Variants in GREP1 observed in about 807,000 individuals in gnomAD.
GREP1 encodes glycine-rich extracellular protein 1.
rs1356221259 is a variant in GREP1 at position 2,989,079 on chromosome 16, A to C, written c.101-444A>C. Reference sequence around the variant, plus strand: ...GATGCATCTGAGCTTCAGGAGAGAAAGATGGGGGGCAGAGGTGGTGAGAAG... The same window carrying C: ...GATGCATCTGAGCTTCAGGAGAGAACGATGGGGGGCAGAGGTGGTGAGAAG... On this transcript the variant is annotated intron_variant, in intron 2 of 34. Coordinates refer to ENST00000573315, the Ensembl canonical transcript of GREP1. This position sits in a 1 kb window ranked among gnomAD's most constrained non-coding sequence, Gnocchi z 4.2. The C allele has an allele frequency of 4.3e-6, 1 of 233,966 alleles. No homozygotes were observed. Among genetic ancestry groups the C allele is most frequent in the African/African-American group, 2.2e-5 (1 of 44,480 alleles). 14.5% of individuals were successfully genotyped at this position (233,966 alleles called of 1,614,324 possible).
exon 13 of GREP1, chr16:2,994,939 G>A: frequency 2.5e-6 from 1 of 399,196 alleles, no homozygotes; most frequent in Non-Finnish European, 4.4e-6. Flanking sequence ...TTCCAGTACA[G>A]AATTGGGCTG....
chr16:2,990,202 G>A (rs1414032556), intron 5 of GREP1, 80 bp downstream of exon 5: 13 of 398,522 alleles, frequency 3.3e-5, no homozygotes, highest in Non-Finnish European at 5.3e-5. Context: ...TTGTTGGGGG[G>A]AGGCGCAGAG....
At chr16:3,001,789 T>C (rs77225180) in exon 35 of GREP1, 4 of 396,440 alleles carry the variant, frequency 1.0e-5, no homozygotes, top group Non-Finnish European at 1.8e-5. Flanking sequence ...ATTCATTCAT[T>C]TGGCAAACAT....
At chr16:2,990,566 G>C in exon 7 of GREP1, 2 of 399,204 alleles carry the variant, frequency 5.0e-6, no homozygotes, top group Non-Finnish European at 8.8e-6. Context: ...CAGGACCTTC[G>C]CAGGTGCTGC....
At position 2,992,589 on chromosome 16, in the gene GREP1, G is replaced by A. The variant is rs563303190; in HGVS notation, c.323-216G>A. The A allele has an allele frequency of 1.7e-3, 648 of 382,790 alleles. 2 individuals are homozygous for A. The highest frequency in any genetic ancestry group is 1.4e-3 in the Non-Finnish European group (313 of 216,364). 23.7% of individuals were successfully genotyped at this position (382,790 alleles called of 1,614,324 possible). A position where few individuals can be genotyped will look rare whatever the true frequency, so the allele number is the denominator to read the frequency against. ...AAGCCAGGCCTCGGCTGGCCATGGAGGACACCCAAGCTGGTCAAGGGTGGC... is the reference window on the plus strand; with the variant it reads ...AAGCCAGGCCTCGGCTGGCCATGGAAGACACCCAAGCTGGTCAAGGGTGGC... On this transcript the variant is annotated intron_variant, in intron 8 of 34. Coordinates refer to ENST00000573315, the Ensembl canonical transcript of GREP1. This position sits in a 1 kb window ranked among gnomAD's most constrained non-coding sequence, Gnocchi z 4.9.
At chr16:2,995,869 G>A (rs1324353278) in exon 18 of GREP1, 4 of 398,316 alleles carry the variant, frequency 1.0e-5, no homozygotes, top group Non-Finnish European at 1.8e-5. Context: ...TATGGGAAAA[G>A]GCTGAGAGCA....
At chr16:3,001,811 T>C (rs1294904953) in exon 35 of GREP1, 4 of 394,862 alleles carry the variant, frequency 1.0e-5, no homozygotes, top group Non-Finnish European at 1.8e-5. Context: ...AATGAGGCCA[T>C]GTGCCAGGGA....
In GREP1 at chr16:2,990,272, C is replaced by G. The variant is rs1288840070; in HGVS notation, c.199+150C>G. The G allele has an allele frequency of 1.6e-4, 63 of 397,928 alleles. 1 individual carries two copies. The Admixed American group carries it at 2.7e-3, about 17-fold the overall frequency. 24.6% of individuals were successfully genotyped at this position (397,928 alleles called of 1,614,324 possible). ...AAGGGGGGGTTCAAGGGTCTTGTACCCCCACCTCAGCTGGGACCCCAAACC... is the reference window on the plus strand; with the variant it reads ...AAGGGGGGGTTCAAGGGTCTTGTACGCCCACCTCAGCTGGGACCCCAAACC... On this transcript the variant is annotated intron_variant, in intron 5 of 34. Coordinates refer to ENST00000573315, the Ensembl canonical transcript of GREP1.
At position 2,989,778 on chromosome 16, in the gene GREP1, G is replaced by A. The variant is rs1330957998; in HGVS notation, c.131-196G>A. Among the ~76,000 whole-genome samples, 7 of 152,016 alleles carry A rather than the reference G, an allele frequency of 4.6e-5. No homozygotes were observed. The highest frequency in any genetic ancestry group is 1.7e-4 in the African/African-American group (7 of 41,378). ...TGGAGCGGGGAGGGAAGAAAGGAAA[G>A]AGAGCAGAAAGGAAGGAGAGAGGGA... On this transcript the variant is annotated intron_variant, in intron 3 of 34. Transcript: ENST00000573315. This position sits in a 1 kb window ranked among gnomAD's most constrained non-coding sequence, Gnocchi z 4.2.
exon 26 of GREP1, chr16:2,998,943 C>A (rs372263567): frequency 9.3e-5 from 37 of 399,036 alleles, no homozygotes; most frequent in African/African-American, 7.4e-4. Flanking sequence ...CCTGAAATCC[C>A]AGCCCCCTTC....
Position 2,991,023 on chromosome 16 carries a change from T to C in GREP1, c.269-25T>C, listed in dbSNP as rs986511653. 6 of 399,076 alleles carry C rather than the reference T, an allele frequency of 1.5e-5. No individual in the cohort carries two copies. The Admixed American group carries it at 2.6e-4, about 18-fold the overall frequency. The allele number at this position is 399,076 out of a possible 1,614,324, so 24.7% of individuals were successfully genotyped here. A position where few individuals can be genotyped will look rare whatever the true frequency, so the allele number is the denominator to read the frequency against. ...CTTGACGCCCCATTCCCCCTCCTCA[T>C]GTCCCTCTGGCTCTGTCTCCCCAGG... On this transcript the variant is annotated intron_variant, in intron 7 of 34. Transcript: ENST00000573315. The surrounding 1 kb of genome is among the most constrained non-coding windows in gnomAD (Gnocchi z 4.9).
rs1216045245 is a variant in GREP1, at chr16:2,992,940, G to T, written c.362G>T (p.Gly121Val). ...CTCATCTTCCCCCCAGGCTTTGGAGGGGGTGGAAAACCCCAGAAGCCAGGT... is the reference window on the plus strand; with the variant it reads ...CTCATCTTCCCCCCAGGCTTTGGAGTGGGTGGAAAACCCCAGAAGCCAGGT... Residue 121 changes from glycine (G) to valine (V), a missense_variant, in exon 10 of 35, where the codon GGG (glycine) becomes GTG (valine). Transcript: ENST00000573315. This position sits in a 1 kb window ranked among gnomAD's most constrained non-coding sequence, Gnocchi z 4.9. The T allele has an allele frequency of 5.0e-6, 2 of 399,046 alleles. No individual in the cohort carries two copies. Among genetic ancestry groups the T allele is most frequent in the Non-Finnish European group, 8.8e-6 (2 of 226,062 alleles). 24.7% of individuals were successfully genotyped at this position (399,046 alleles called of 1,614,324 possible).
intron 18 of GREP1, chr16:2,996,019 A>T (rs1321211309): frequency 5.1e-6 from 2 of 389,082 alleles, no homozygotes; most frequent in Non-Finnish European, 4.5e-6. Context: ...TGCAACCTCC[A>T]CCTCCTGGGT....
chr16:2,999,403 C>A, intron 27 of GREP1: 1 of 397,566 alleles, frequency 2.5e-6, no homozygotes, highest in South Asian at 1.3e-4. Context: ...CCTCCATCAC[C>A]CTTTTTCCCT....
chr16:2,997,722 G>A (rs2151106668), intron 22 of GREP1, 81 bp from the exon 21 acceptor site: 5 of 398,632 alleles, frequency 1.3e-5, no homozygotes, highest in African/African-American at 2.1e-5. Context: ...TGGGCACCAG[G>A]TGGGGGACAG....
intron 26 of GREP1, chr16:2,999,207 C>T (rs1214817867): frequency 2.5e-6 from 1 of 398,684 alleles, no homozygotes; most frequent in East Asian, 3.6e-5. Context: ...CATCTGCAGT[C>T]TCTCAAGCCC....
chr16:2,992,420 G>T lies in GREP1; in HGVS notation c.323-385G>T, dbSNP rs899111579. The T allele has an allele frequency of 9.2e-5, 15 of 163,350 alleles. No individual in the cohort carries two copies. Among genetic ancestry groups the T allele is most frequent in the Non-Finnish European group, 1.7e-4 (13 of 75,938 alleles). 10.1% of individuals were successfully genotyped at this position (163,350 alleles called of 1,614,324 possible). A position where few individuals can be genotyped will look rare whatever the true frequency, so the allele number is the denominator to read the frequency against. Reference sequence around the variant, plus strand: ...CCTCCCAGGATACAACAATGGAAACGGACCGGGAACCCAGCCAGGTCGGGG... The same window carrying T: ...CCTCCCAGGATACAACAATGGAAACTGACCGGGAACCCAGCCAGGTCGGGG... On this transcript the variant is annotated intron_variant, in intron 8 of 34. Transcript: ENST00000573315. The surrounding 1 kb of genome is among the most constrained non-coding windows in gnomAD (Gnocchi z 4.9).
At chr16:2,998,192 G>T (rs373446923) in intron 23 of GREP1, among the ~76,000 whole-genome samples, 164 bp from the exon 22 acceptor site, 90 of 152,088 alleles carry the variant, frequency 5.9e-4, no homozygotes, top group African/African-American at 2.1e-3. Flanking sequence ...CTCCAACCCC[G>T]CCCTCATGCC....
In GREP1 at chr16:2,989,107, G is replaced by T; in HGVS notation, c.101-416G>T. 1 of 247,968 alleles carries T rather than the reference G, an allele frequency of 4.0e-6. No homozygotes were observed. The highest frequency in any genetic ancestry group is 7.6e-6 in the Non-Finnish European group (1 of 130,746). 15.4% of individuals were successfully genotyped at this position (247,968 alleles called of 1,614,324 possible). A position where few individuals can be genotyped will look rare whatever the true frequency, so the allele number is the denominator to read the frequency against. On this transcript the variant is annotated intron_variant, in intron 2 of 34. Transcript: ENST00000573315. This position sits in a 1 kb window ranked among gnomAD's most constrained non-coding sequence, Gnocchi z 4.2. ...TGGGGGGCAGAGGTGGTGAGAAGAA[G>T]AGGAGGAGATTTCCATGAAGGGAGA...
Sources: gnomAD v4.1 joint callset for allele counts (sites outside exome capture counted in the v4.1 genomes callset) on GRCh38, gnomAD v4.1.1 for gene constraint, Gnocchi (gnomAD v3.1) non-coding constraint, MANE v1.5 for transcripts, NCBI Gene and HGNC (gene_info 2026-07-23, HGNC 2026-07-21) for gene names.